The following MSRB3 variants were observed in gnomAD, a reference collection of about 807,000 sequenced individuals.
The protein encoded by MSRB3 is methionine sulfoxide reductase B3.
Under a neutral mutation model 21.0 loss-of-function variants are expected in MSRB3, and 13 were observed. The observed-to-expected ratio is 0.62, with a 90% CI of 0.40 to 0.98. The LOEUF (loss-of-function observed/expected upper bound fraction) is 0.98. MSRB3 is among the 50% of genes least tolerant of loss of function. MSRB3 has a pLI of 0.00. For missense variants in MSRB3, 199 were observed against 230.3 expected, an observed-to-expected ratio of 0.86 and a Z score of 0.88; for synonymous variants, 87 against 88.6, an observed-to-expected ratio of 0.98 and a Z score of 0.10.
intron 5 of MSRB3, among the ~76,000 whole-genome samples, chr12:65,404,181 T>C (rs1880287552): frequency 6.6e-6 from 1 of 152,238 alleles, no homozygotes; most frequent in Non-Finnish European, 1.5e-5. Context: ...GCTCAAGTTA[T>C]TTTCTTGCTT....
At chr12:65,349,315 A>C (rs1372149846) in intron 4 of MSRB3, among the ~76,000 whole-genome samples, 1 of 151,718 alleles carries the variant, frequency 6.6e-6, no homozygotes, top group Non-Finnish European at 1.5e-5. Context: ...TCATTGTTGG[A>C]CATTTGGGTT....
At chr12:65,398,480 T>A (rs1378544900) in intron 5 of MSRB3, among the ~76,000 whole-genome samples, 3 of 152,220 alleles carry the variant, frequency 2.0e-5, no homozygotes, top group Admixed American at 2.0e-4. Context: ...TAAATTTGTT[T>A]AAGCTCCTTG....
chr12:65,403,540 G>C (rs565445155), intron 5 of MSRB3, among the ~76,000 whole-genome samples: 1 of 152,148 alleles, frequency 6.6e-6, no homozygotes, highest in Non-Finnish European at 1.5e-5. Context: ...AACTTGCTGG[G>C]CTCCATTGGG....
rs59427831 is a variant in MSRB3 at position 65,383,660 on chromosome 12, A to AT, written c.292+14652dup. Among the ~76,000 whole-genome samples the AT allele has an allele frequency of 4.1e-3, 567 of 137,892 alleles. 5 individuals are homozygous for AT. The highest frequency in any genetic ancestry group is 0.011 in the African/African-American group (426 of 37,374). 90.5% of individuals were successfully genotyped at this position (137,892 alleles called of 152,430 possible). A position where few individuals can be genotyped will look rare whatever the true frequency, so the allele number is the denominator to read the frequency against. On this transcript the variant is annotated intron_variant, in intron 5 of 6. Coordinates refer to ENST00000308259, the MANE Select transcript of MSRB3 (RefSeq NM_001031679.3). ...AACAAAGAGATGCATTGTTAGTAGA[A>AT]TTTTTTTTTTTTTTTTTTGAGATGG...
At chr12:65,441,383 T>C (rs1565893730) in intron 5 of MSRB3, among the ~76,000 whole-genome samples, 1 of 151,952 alleles carries the variant, frequency 6.6e-6, no homozygotes, top group Non-Finnish European at 1.5e-5. Context: ...TAGAGAAGAC[T>C]GTCATCAGGT....
intron 1 of MSRB3, chr12:65,286,444 A>G (rs1872353112): frequency 6.6e-6 from 1 of 152,204 alleles, no homozygotes; most frequent in African/African-American, 2.4e-5. Context: ...ATAAATAAAT[A>G]CTTTTTAAAA....
intron 4 of MSRB3, among the ~76,000 whole-genome samples, chr12:65,366,138 G>A (rs1877998725): frequency 6.6e-6 from 1 of 152,174 alleles, no homozygotes; most frequent in Admixed American, 6.6e-5. Context: ...CCTCACAGGA[G>A]GGTTTGCATT....
intron 4 of MSRB3, among the ~76,000 whole-genome samples, chr12:65,343,079 T>G (rs1876249859): frequency 1.3e-5 from 2 of 152,146 alleles, no homozygotes; most frequent in East Asian, 3.9e-4. Flanking sequence ...TTACAAACAC[T>G]GAACAATTTA....
chr12:65,465,665 G>A lies in MSRB3; in HGVS notation c.*2343G>A, dbSNP rs535418331. 1 of 152,182 alleles carries A rather than the reference G, an allele frequency of 6.6e-6. No homozygotes were observed. The highest frequency in any genetic ancestry group is 1.9e-4 in the East Asian group (1 of 5,146). 9.4% of individuals were successfully genotyped at this position (152,182 alleles called of 1,614,324 possible). A position where few individuals can be genotyped will look rare whatever the true frequency, so the allele number is the denominator to read the frequency against. ...GCTCAGATAAGAGGTTTCTATCTGA[G>A]CATCCAGATGTTCCCTCAGGTTCCA... is the stretch of plus-strand genomic sequence containing the variant. On this transcript the variant is annotated 3_prime_UTR_variant, in exon 7 of 7. Coordinates refer to ENST00000308259, the MANE Select transcript of MSRB3 (RefSeq NM_001031679.3).
At chr12:65,369,127 T>G in intron 5 of MSRB3, 101 bp downstream of exon 5, 1 of 897,660 alleles carries the variant, frequency 1.1e-6, no homozygotes, top group East Asian at 2.6e-5. Context: ...TTAAACAGAC[T>G]AGGCGGTTTC....
chr12:65,462,979 C>G (rs749120128), intron 6 of MSRB3, among the ~76,000 whole-genome samples, 176 bp from the exon 7 acceptor site: 1 of 152,212 alleles, frequency 6.6e-6, no homozygotes, highest in Non-Finnish European at 1.5e-5. Context: ...CAGCATGTGG[C>G]GCAAAGCCTG....
chr12:65,418,049 A>C (rs781052293), intron 5 of MSRB3, among the ~76,000 whole-genome samples: 8 of 152,184 alleles, frequency 5.3e-5, no homozygotes, highest in Non-Finnish European at 1.0e-4. Context: ...TTTTATCATA[A>C]TGGCTGTGCT....
rs1555209340 is a variant in MSRB3, at chr12:65,396,704, A to AG, written c.292+27678_292+27679insG. Among the ~76,000 whole-genome samples, 174 of 54,058 alleles carry AG rather than the reference A, an allele frequency of 3.2e-3. 2 individuals carry two copies. The highest frequency in any genetic ancestry group is 0.011 in the African/African-American group (160 of 14,852). 35.5% of individuals were successfully genotyped at this position (54,058 alleles called of 152,430 possible). On this transcript the variant is annotated intron_variant, in intron 5 of 6. Transcript: ENST00000308259. ...GAAACTCCATCTCAAAAAAAAAAAA[A>AG]AAAGAAAGAAAGAAAGAAAGAAAGA...
intron 5 of MSRB3, chr12:65,419,411 C>T (rs377729254): frequency 4.3e-5 from 32 of 748,170 alleles, no homozygotes; most frequent in Admixed American, 2.3e-4. Context: ...TTGAGAGTCT[C>T]GATCTCTGTC....
At chr12:65,295,311 GC>G (rs1256528785) in intron 1 of MSRB3, among the ~76,000 whole-genome samples, 1 of 152,138 alleles carries the variant, frequency 6.6e-6, no homozygotes, top group Non-Finnish European at 1.5e-5. Context: ...TCTCTGCCTT[GC>G]CTTTGTTAGC....
rs149666716 is a variant in MSRB3, at chr12:65,364,850, T to G, written c.264-4148T>G. Among the ~76,000 whole-genome samples, 580 of 152,264 alleles carry G rather than the reference T, an allele frequency of 3.8e-3. 1 individual carries two copies. The highest frequency in any genetic ancestry group is 0.013 in the African/African-American group (538 of 41,550). On this transcript the variant is annotated intron_variant, in intron 4 of 6. Transcript: ENST00000308259. ...GTTTTCCCTATCCCCAAATTGACAG[T>G]TTTAACTTCTATTATCATGTTTTAA...
At chr12:65,309,727 T>C (rs1443454359) in intron 2 of MSRB3, among the ~76,000 whole-genome samples, 1 of 152,124 alleles carries the variant, frequency 6.6e-6, no homozygotes, top group African/African-American at 2.4e-5. Flanking sequence ...CTCAGACTGG[T>C]AGCACAGTTA....
Position 65,464,053 on chromosome 12 carries a change from TCACGA to T in MSRB3, c.*732_*736del, listed in dbSNP as rs1883457170. ...ACTTTGGGAGGCCAAGGCGGGTGGA[TCACGA>T]GGTCAGGAGATGGAGACCATCCTGG... On this transcript the variant is annotated 3_prime_UTR_variant, in exon 7 of 7. Transcript: ENST00000308259. 1 of 152,244 alleles carries T rather than the reference TCACGA, an allele frequency of 6.6e-6. No homozygotes were observed. The highest frequency in any genetic ancestry group is 1.5e-5 in the Non-Finnish European group (1 of 68,112). The allele number at this position is 152,244 out of a possible 1,614,324, so 9.4% of individuals were successfully genotyped here.
chr12:65,367,728 C>T (rs1398970858), intron 4 of MSRB3, among the ~76,000 whole-genome samples: 2 of 152,032 alleles, frequency 1.3e-5, no homozygotes, highest in Non-Finnish European at 2.9e-5. Flanking sequence ...GGGTTTGTAC[C>T]TGAAATAGAA....
Sources: allele counts gnomAD v4.1 joint callset (sites outside exome capture counted in the v4.1 genomes callset), GRCh38; gene constraint gnomAD v4.1.1; transcripts MANE v1.5; gene names NCBI Gene and HGNC (gene_info 2026-07-23, HGNC 2026-07-21).